FCHSD2: variants seen among roughly 807,000 people sequenced by gnomAD.
FCHSD2 encodes F-BAR and double SH3 domains protein 2.
Under a neutral mutation model 108.1 loss-of-function variants are expected in FCHSD2, and 38 were observed. The ratio of observed to expected loss-of-function variants is 0.35; its 90% CI spans 0.27 to 0.46. FCHSD2 has a LOEUF of 0.46. FCHSD2 is among the 20% of genes least tolerant of loss of function. The pLI, the probability that FCHSD2 is intolerant of heterozygous loss-of-function variation, is 1.00. For synonymous variants in FCHSD2, 279 were observed against 314.7 expected (o/e 0.89, Z 1.20); for missense variants, 751 against 897.8 (o/e 0.84, Z 2.09).
chr11:72,975,024 G>A (rs1283683899), intron 8 of FCHSD2, among the ~76,000 whole-genome samples: 2 of 152,106 alleles, frequency 1.3e-5, no homozygotes, highest in Non-Finnish European at 2.9e-5. Context: ...TATGAATGAG[G>A]AAGATTTTTG....
At chr11:72,849,713 G>A in intron 14 of FCHSD2, 42 bp downstream of exon 14, 1 of 1,493,124 alleles carries the variant, frequency 6.7e-7, no homozygotes, top group South Asian at 1.1e-5. Flanking sequence ...TATCTTCAGA[G>A]TTAATCAGAA....
intron 2 of FCHSD2, among the ~76,000 whole-genome samples, chr11:73,124,052 C>T (rs1045133810): frequency 1.3e-5 from 2 of 152,178 alleles, no homozygotes; most frequent in African/African-American, 4.8e-5. Flanking sequence ...AAATGTGGCA[C>T]ATACACACCA....
At chr11:73,001,861 A>G (rs1294244056) in intron 4 of FCHSD2, among the ~76,000 whole-genome samples, 1 of 152,182 alleles carries the variant, frequency 6.6e-6, no homozygotes, top group African/African-American at 2.4e-5. Flanking sequence ...ATCTCAGTCA[A>G]GTCAAAGAAT....
intron 12 of FCHSD2, among the ~76,000 whole-genome samples, chr11:72,879,610 A>G (rs1182061066): frequency 6.6e-6 from 1 of 152,214 alleles, no homozygotes; most frequent in Non-Finnish European, 1.5e-5. Context: ...AAAATATAAC[A>G]TTTGAAATAA....
chr11:72,882,243 C>T (rs1035521089), intron 12 of FCHSD2, among the ~76,000 whole-genome samples: 6 of 151,824 alleles, frequency 4.0e-5, no homozygotes, highest in African/African-American at 1.2e-4. Flanking sequence ...GAGTTCGAGA[C>T]CAGCTTGGCC....
chr11:72,899,196 A>G (rs1006828954), intron 10 of FCHSD2, among the ~76,000 whole-genome samples: 1 of 152,228 alleles, frequency 6.6e-6, no homozygotes, highest in Non-Finnish European at 1.5e-5. Context: ...AATGTCACCT[A>G]TTATTTTTAT....
chr11:72,980,887 A>T (rs952634502), intron 8 of FCHSD2, among the ~76,000 whole-genome samples: 3 of 152,076 alleles, frequency 2.0e-5, no homozygotes, highest in Non-Finnish European at 4.4e-5. Flanking sequence ...GAGGCTCTTA[A>T]ATGTGTATGA....
At chr11:73,132,833 A>AAG (rs1861034653) in intron 2 of FCHSD2, among the ~76,000 whole-genome samples, 1 of 151,654 alleles carries the variant, frequency 6.6e-6, no homozygotes, top group Non-Finnish European at 1.5e-5. Context: ...AGAAAAAAAA[A>AAG]AAAAAAAAAC....
At chr11:73,010,655 A>G (rs1186168396) in intron 4 of FCHSD2, among the ~76,000 whole-genome samples, 7 of 152,304 alleles carry the variant, frequency 4.6e-5, no homozygotes, top group African/African-American at 1.7e-4. Context: ...GGCTATGAAC[A>G]GTGTCAGTGG....
At chr11:72,859,373 T>G (rs546777640) in intron 13 of FCHSD2, among the ~76,000 whole-genome samples, 1 of 152,224 alleles carries the variant, frequency 6.6e-6, no homozygotes, top group Non-Finnish European at 1.5e-5. Flanking sequence ...GTTATCCCAA[T>G]TGACTGTCAC....
intron 9 of FCHSD2, among the ~76,000 whole-genome samples, chr11:72,917,696 G>A (rs1227076855): frequency 1.3e-5 from 2 of 152,140 alleles, no homozygotes; most frequent in African/African-American, 2.4e-5. Flanking sequence ...GACTAGCCTG[G>A]CTAACATGAC....
chr11:72,916,807 T>C (rs72977501), intron 9 of FCHSD2, among the ~76,000 whole-genome samples: 3,371 of 152,296 alleles, frequency 0.022, 114 homozygotes, highest in African/African-American at 0.076. Flanking sequence ...TAATTATCTA[T>C]GTTTTCTTTC....
intron 5 of FCHSD2, among the ~76,000 whole-genome samples, chr11:72,999,136 T>C (rs1334804593): frequency 6.6e-5 from 10 of 152,160 alleles, no homozygotes; most frequent in Admixed American, 2.0e-4. Context: ...ATACATTCCC[T>C]TCTTGGCTTA....
intron 3 of FCHSD2, among the ~76,000 whole-genome samples, chr11:73,078,165 T>C (rs1175990955): frequency 1.3e-5 from 2 of 152,174 alleles, no homozygotes; most frequent in African/African-American, 4.8e-5. Context: ...CTCACCAAAA[T>C]GTCAGTCTTT....
intron 4 of FCHSD2, among the ~76,000 whole-genome samples, chr11:73,003,793 T>C (rs1401300358): frequency 1.3e-5 from 2 of 151,502 alleles, no homozygotes; most frequent in Non-Finnish European, 2.9e-5. Flanking sequence ...CCAGGTTTCA[T>C]ATGAAGCAAT....
At chr11:72,907,598 G>GTTTTTTTTT (rs200788964) in intron 9 of FCHSD2, among the ~76,000 whole-genome samples, 2 of 72,712 alleles carry the variant, frequency 2.8e-5, no homozygotes. Context: ...TAATCACGTG[G>GTTTTTTTTT]GTTTTTTTTT....
intron 3 of FCHSD2, among the ~76,000 whole-genome samples, chr11:73,055,275 G>T (rs1351804277): frequency 6.6e-6 from 1 of 151,402 alleles, no homozygotes; most frequent in East Asian, 1.9e-4. Context: ...TGGGGACACA[G>T]CCAAACCGTA....
At position 72,985,264 on chromosome 11, in the gene FCHSD2, G is replaced by C. The variant is rs569456432; in HGVS notation, c.522-148C>G. ...GAAAAAATGGAAAACCAAGAGTAAT[G>C]ATTATTTTCCTTTATTTTACTACAG... On this transcript the variant is annotated intron_variant, in intron 6 of 19. Transcript: ENST00000409418. 2.2e-5 allele frequency: 4 copies of C among 183,684 alleles called. No homozygotes were observed. In the South Asian group the frequency reaches 5.4e-4, roughly 25 times the overall value. The allele number at this position is 183,684 out of a possible 1,614,324, so 11.4% of individuals were successfully genotyped here.
intron 13 of FCHSD2, among the ~76,000 whole-genome samples, chr11:72,864,560 C>T (rs1854681632): frequency 6.6e-6 from 1 of 152,028 alleles, no homozygotes; most frequent in Admixed American, 6.6e-5. Flanking sequence ...AACAAAAATA[C>T]ACATTATGTT....
Sources: allele counts gnomAD v4.1 joint callset (sites outside exome capture counted in the v4.1 genomes callset), GRCh38; gene constraint gnomAD v4.1.1; transcripts MANE v1.5; gene names NCBI Gene and HGNC (gene_info 2026-07-23, HGNC 2026-07-21).